Variants in CPED1 observed in about 807,000 individuals in gnomAD.
CPED1 encodes the protein cadherin like and PC-esterase domain containing 1.
In CPED1, 114 loss-of-function variants were observed where a neutral mutation model predicts 128.2. That is an observed-to-expected ratio of 0.89 (90% CI 0.76 to 1.04). CPED1 has a LOEUF of 1.04. Ranked by LOEUF, CPED1 falls within the 50% of genes least tolerant of loss-of-function variation. The pLI is 0.00. For missense variants in CPED1, 1,211 were observed against 1,207.1 expected (o/e 1.00, Z -0.05); for synonymous variants, 462 against 426.7 (o/e 1.08, Z -1.02).
intron 17 of CPED1, among the ~76,000 whole-genome samples, chr7:121,237,916 G>A (rs903367487): frequency 6.6e-6 from 1 of 152,162 alleles, no homozygotes; most frequent in Non-Finnish European, 1.5e-5. Context: ...ACCCATTATG[G>A]TGTGTCAGGT....
chr7:121,098,550 A>T (rs1305160076), intron 6 of CPED1, among the ~76,000 whole-genome samples: 3 of 151,434 alleles, frequency 2.0e-5, no homozygotes, highest in African/African-American at 7.3e-5. Flanking sequence ...TGAGCAACAT[A>T]GTGAGAATCC....
chr7:121,079,263 G>A (rs1181530608), intron 5 of CPED1, among the ~76,000 whole-genome samples: 2 of 152,240 alleles, frequency 1.3e-5, no homozygotes, highest in African/African-American at 4.8e-5. Context: ...ACATGGAAAC[G>A]AGAGAACAGA....
At chr7:121,068,327 A>G (rs7791354) in intron 5 of CPED1, among the ~76,000 whole-genome samples, 2 of 152,132 alleles carry the variant, frequency 1.3e-5, no homozygotes, top group East Asian at 3.9e-4. Context: ...TCAGCTTTCT[A>G]CATATGGCTA....
Position 121,271,302 on chromosome 7 carries a change from T to G in CPED1, c.2740T>G (p.Trp914Gly). 1 of 1,611,850 alleles carries G rather than the reference T, an allele frequency of 6.2e-7. No individual in the cohort carries two copies. The highest frequency in any genetic ancestry group is 8.5e-7 in the Non-Finnish European group (1 of 1,178,644). ...CAATCAGAGTGAAGTACAGAACTTA[T>G]GGAAAGAAAATTTGATTATTCTGGA... is the stretch of plus-strand genomic sequence containing the variant. ...FLTQSEVQNL[W>G]KENLIILDTA... Residue 914 changes from tryptophan (W) to glycine (G), a missense_variant, in exon 22 of 23, where the codon TGG (tryptophan) becomes GGG (glycine). Physicochemically the swap from Trp to Gly is radical, Grantham distance 184. Coordinates refer to ENST00000310396, the MANE Select transcript of CPED1 (RefSeq NM_024913.5).
intron 3 of CPED1, among the ~76,000 whole-genome samples, chr7:121,022,609 G>A (rs1792471154): frequency 6.6e-6 from 1 of 151,914 alleles, no homozygotes; most frequent in Non-Finnish European, 1.5e-5. Flanking sequence ...GTCAGGAGAT[G>A]TAGGTTTGTG....
rs201842531 is a variant in CPED1, at chr7:121,047,646, T to TTTCTTCTTCTTCTTCTTCTTCTTC, written c.540+701_540+724dup. On this transcript the variant is annotated intron_variant, in intron 4 of 22. Coordinates refer to ENST00000310396, the MANE Select transcript of CPED1 (RefSeq NM_024913.5). ...TACAATTCGCCATCTAGATAGCACCTTTCTTCTTCTTCTTCTTCTTCTTCT... is the reference window on the plus strand; with the variant it reads ...TACAATTCGCCATCTAGATAGCACCTTTCTTCTTCTTCTTCTTCTTCTTCTTCTTCTTCTTCTTCTTCTTCTTCT... 5.9e-4 allele frequency among the ~76,000 whole-genome samples: 72 copies of TTTCTTCTTCTTCTTCTTCTTCTTC among 123,070 alleles called. 1 individual carries two copies. The highest frequency in any genetic ancestry group is 3.9e-3 in the Middle Eastern group (1 of 258). 80.7% of individuals were successfully genotyped at this position (123,070 alleles called of 152,430 possible).
intron 22 of CPED1, among the ~76,000 whole-genome samples, chr7:121,294,511 A>G (rs1792779851): frequency 6.6e-6 from 1 of 152,130 alleles, no homozygotes; most frequent in Non-Finnish European, 1.5e-5. Context: ...AACAGATGCC[A>G]TGTCTGTGTC....
intron 16 of CPED1, among the ~76,000 whole-genome samples, chr7:121,177,522 T>C (rs1295996837): frequency 6.6e-6 from 1 of 152,006 alleles, no homozygotes; most frequent in African/African-American, 2.4e-5. Context: ...TTTAAAAAGG[T>C]TTAAGCCAAG....
intron 2 of CPED1, among the ~76,000 whole-genome samples, chr7:120,990,519 A>C (rs1295496540): frequency 1.3e-5 from 2 of 149,234 alleles, no homozygotes; most frequent in African/African-American, 5.0e-5. Flanking sequence ...TCAAATATTG[A>C]AAAAAAACAC....
At chr7:121,093,470 A>G (rs1794625650) in intron 5 of CPED1, among the ~76,000 whole-genome samples, 1 of 150,920 alleles carries the variant, frequency 6.6e-6, no homozygotes, top group Non-Finnish European at 1.5e-5. Context: ...TACTGAGAAG[A>G]CTAGGGCCAA....
intron 16 of CPED1, among the ~76,000 whole-genome samples, chr7:121,234,711 G>C (rs1336228567): frequency 1.4e-5 from 2 of 146,136 alleles, no homozygotes; most frequent in Non-Finnish European, 3.0e-5. Flanking sequence ...TACAGTCCAG[G>C]AACACTACCG....
At chr7:121,015,105 T>A (rs1418455334) in intron 2 of CPED1, among the ~76,000 whole-genome samples, 1 of 152,216 alleles carries the variant, frequency 6.6e-6, no homozygotes, top group African/African-American at 2.4e-5. Context: ...TCTCCTCACA[T>A]GTGAAGACCC....
At chr7:121,243,370 T>C (rs890359296) in intron 17 of CPED1, among the ~76,000 whole-genome samples, 8 of 152,190 alleles carry the variant, frequency 5.3e-5, no homozygotes, top group Non-Finnish European at 1.2e-4. Context: ...ACATTATTAA[T>C]GTATCCACTC....
At chr7:121,102,859 A>G (rs1794888685) in intron 7 of CPED1, among the ~76,000 whole-genome samples, 1 of 152,102 alleles carries the variant, frequency 6.6e-6, no homozygotes. Context: ...CCAGTTCACA[A>G]TAGCTCTAGA....
At chr7:121,014,028 T>C (rs2116807066) in intron 2 of CPED1, among the ~76,000 whole-genome samples, 1 of 152,330 alleles carries the variant, frequency 6.6e-6, no homozygotes, top group East Asian at 1.9e-4. Flanking sequence ...CTAATGAAAG[T>C]ATGCATTTCA....
intron 16 of CPED1, among the ~76,000 whole-genome samples, chr7:121,174,844 TCTG>T (rs1796739410): frequency 1.3e-5 from 2 of 152,150 alleles, no homozygotes; most frequent in African/African-American, 4.8e-5. Context: ...TATTTATTCT[TCTG>T]ATCCATGAAC....
At chr7:121,097,915 G>A (rs1424766346) in intron 6 of CPED1, 84 bp downstream of exon 6, 3 of 1,334,438 alleles carry the variant, frequency 2.2e-6, no homozygotes, top group East Asian at 2.4e-5. Context: ...CAGATATGGG[G>A]GGTTCACATG....
chr7:121,059,181 T>C (rs1263287893), intron 4 of CPED1, among the ~76,000 whole-genome samples: 1 of 152,236 alleles, frequency 6.6e-6, no homozygotes, highest in Non-Finnish European at 1.5e-5. Context: ...TTTCTAGCTC[T>C]AAATTGTTGT....
Position 121,297,256 on chromosome 7 carries a change from TC to T in CPED1, c.*1606del, listed in dbSNP as rs1295030228. The T allele has an allele frequency of 8.5e-5, 13 of 152,242 alleles. No homozygotes were observed. The South Asian group carries it at 2.7e-3, about 32-fold the overall frequency. The allele number at this position is 152,242 out of a possible 1,614,324, so 9.4% of individuals were successfully genotyped here. On this transcript the variant is annotated 3_prime_UTR_variant, in exon 23 of 23. Coordinates refer to ENST00000310396, the MANE Select transcript of CPED1 (RefSeq NM_024913.5). Reference sequence around the variant, plus strand: ...AAACGTTACCAATGTGTGCAGCCTCTCCATCATGTTTTAACATACTGTATAC... The same window carrying T: ...AAACGTTACCAATGTGTGCAGCCTCTCATCATGTTTTAACATACTGTATAC...
Sources: gnomAD v4.1 joint callset for allele counts (sites outside exome capture counted in the v4.1 genomes callset) on GRCh38, gnomAD v4.1.1 for gene constraint, MANE v1.5 for transcripts, NCBI Gene and HGNC (gene_info 2026-07-23, HGNC 2026-07-21) for gene names.